The following ZNF475 variants were observed in gnomAD, a reference collection of about 807,000 sequenced individuals.
ZNF475 encodes the protein zinc finger protein 475.
At chr5:122,176,503 C>G in the ZNF475 span, among the ~76,000 whole-genome samples, 6 of 152,184 alleles carry the variant, frequency 3.9e-5, no homozygotes, top group Non-Finnish European at 8.8e-5. Context: ...GTCTTTTGTA[C>G]AGCTCTATCC....
the ZNF475 span, chr5:122,160,199 C>G: frequency 7.0e-6 from 9 of 1,288,882 alleles, no homozygotes; most frequent in Non-Finnish European, 9.1e-6. Context: ...GCCAACCATG[C>G]CTGCATATCA....
the ZNF475 span, chr5:122,182,560 C>G: frequency 3.3e-6 from 5 of 1,535,362 alleles, no homozygotes; most frequent in Non-Finnish European, 4.4e-6. Flanking sequence ...CAGTTGGTTC[C>G]CTGTAATGTT....
At chr5:122,179,631 G>A in the ZNF475 span, 3 of 1,534,198 alleles carry the variant, frequency 2.0e-6, no homozygotes, top group Admixed American at 2.0e-5. Flanking sequence ...TAGCATTCAT[G>A]AGCCACAATG....
chr5:122,180,896 C>A, the ZNF475 span, among the ~76,000 whole-genome samples: 6 of 152,126 alleles, frequency 3.9e-5, no homozygotes, highest in Non-Finnish European at 8.8e-5. Flanking sequence ...TGAAAATGAC[C>A]AGCTACTGAA....
the ZNF475 span, among the ~76,000 whole-genome samples, chr5:122,170,787 C>A: frequency 1.3e-5 from 2 of 152,186 alleles, no homozygotes; most frequent in African/African-American, 4.8e-5. Context: ...GTCATTCTGG[C>A]AACCAGCCCG....
At chr5:122,162,116 T>A in the ZNF475 span, 232 of 152,310 alleles carry the variant, frequency 1.5e-3, no homozygotes, top group African/African-American at 5.2e-3. Flanking sequence ...ATAACTAAAA[T>A]GTCAGGCATG....
chr5:122,169,871 G>A, the ZNF475 span, among the ~76,000 whole-genome samples: 10 of 152,124 alleles, frequency 6.6e-5, no homozygotes, highest in African/African-American at 1.9e-4. Flanking sequence ...TGACTAATGC[G>A]TTCAGGTGTG....
the ZNF475 span, among the ~76,000 whole-genome samples, chr5:122,174,829 A>G: frequency 6.6e-6 from 1 of 152,244 alleles, no homozygotes; most frequent in Non-Finnish European, 1.5e-5. Flanking sequence ...TGAAAAGAAT[A>G]ACTTCTCATT....
At chr5:122,175,348 C>G in the ZNF475 span, among the ~76,000 whole-genome samples, 1 of 152,104 alleles carries the variant, frequency 6.6e-6, no homozygotes, top group Admixed American at 6.5e-5. Context: ...ACACATTAAC[C>G]AAGTTTTATT....
chr5:122,160,200 C>G, the ZNF475 span: 1 of 1,289,236 alleles, frequency 7.8e-7, no homozygotes, highest in South Asian at 1.2e-5. Context: ...CCAACCATGC[C>G]TGCATATCAG....
the ZNF475 span, among the ~76,000 whole-genome samples, chr5:122,177,220 C>T: frequency 6.6e-6 from 1 of 152,204 alleles, no homozygotes; most frequent in African/African-American, 2.4e-5. Flanking sequence ...AGCTGTTCTG[C>T]TGTGGGCAGA....
chr5:122,177,506 A>G, the ZNF475 span, among the ~76,000 whole-genome samples: 2 of 152,180 alleles, frequency 1.3e-5, no homozygotes, highest in Non-Finnish European at 2.9e-5. Context: ...GAGAAAATAT[A>G]ATTTATATAG....
the ZNF475 span, among the ~76,000 whole-genome samples, chr5:122,164,798 G>A: frequency 6.6e-6 from 1 of 152,184 alleles, no homozygotes; most frequent in Non-Finnish European, 1.5e-5. Context: ...AGAGAAGTCA[G>A]AATGCTTCCT....
chr5:122,175,991 A>G, the ZNF475 span, among the ~76,000 whole-genome samples: 1 of 152,184 alleles, frequency 6.6e-6, no homozygotes, highest in African/African-American at 2.4e-5. Flanking sequence ...CTCCTTTGGA[A>G]CTAACCTCTC....
chr5:122,170,515 A>T, the ZNF475 span, among the ~76,000 whole-genome samples: 1 of 152,208 alleles, frequency 6.6e-6, no homozygotes, highest in Non-Finnish European at 1.5e-5. Context: ...ATGAATAGGT[A>T]CACAGGGCAA....
At chr5:122,182,644 G>A in the ZNF475 span, 4 of 1,533,860 alleles carry the variant, frequency 2.6e-6, no homozygotes, top group Admixed American at 4.0e-5. Flanking sequence ...GCCAAGTAAA[G>A]CCCTTTTCTC....
At chr5:122,163,340 T>C in the ZNF475 span, 1 of 152,234 alleles carries the variant, frequency 6.6e-6, no homozygotes, top group Non-Finnish European at 1.5e-5. Flanking sequence ...AGTCAGTAAA[T>C]GCTGATAATT....
chr5:122,161,671 A>G, the ZNF475 span, among the ~76,000 whole-genome samples: 3 of 152,198 alleles, frequency 2.0e-5, no homozygotes, highest in Admixed American at 1.3e-4. Context: ...AATTATATGC[A>G]CTGGACAAAT....
the ZNF475 span, chr5:122,160,301 A>G: frequency 1.1e-5 from 14 of 1,282,978 alleles, no homozygotes; most frequent in Admixed American, 1.1e-4. Context: ...TTGGCTCCAG[A>G]AGGCAACCCA....
Sources: gnomAD v4.1 joint callset for allele counts (sites outside exome capture counted in the v4.1 genomes callset) on GRCh38, gnomAD v4.1.1 for gene constraint, MANE v1.5 for transcripts, NCBI Gene and HGNC (gene_info 2026-07-23, HGNC 2026-07-21) for gene names.